CCAR1: variants seen among roughly 807,000 people sequenced by gnomAD.
The protein encoded by CCAR1 is cell division cycle and apoptosis regulator 1, also known as cell division cycle and apoptosis regulator protein 1.
CCAR1 carries 78 observed loss-of-function variants against 163.8 expected under a neutral mutation model. The observed-to-expected ratio is 0.48, with a 90% CI of 0.40 to 0.57. The LOEUF (loss-of-function observed/expected upper bound fraction) is 0.57. CCAR1 is among the 20% of genes least tolerant of loss of function. CCAR1 has a pLI of 0.00. For missense variants in CCAR1, 1,019 were observed against 1,365.2 expected, an observed-to-expected ratio of 0.75 and a Z score of 4.00; for synonymous variants, 443 against 460.7, an observed-to-expected ratio of 0.96 and a Z score of 0.49.
chr10:68,777,823 T>G (rs904154836), intron 19 of CCAR1, among the ~76,000 whole-genome samples: 5 of 152,186 alleles, frequency 3.3e-5, no homozygotes, highest in Admixed American at 3.3e-4. Flanking sequence ...TCCCAGCTAC[T>G]CAGGAGTCTG....
At chr10:68,746,965 A>G (rs1005250939) in intron 6 of CCAR1, among the ~76,000 whole-genome samples, 196 bp from the exon 7 acceptor site, 1 of 152,026 alleles carries the variant, frequency 6.6e-6, no homozygotes, top group Non-Finnish European at 1.5e-5. Context: ...ATATGTATAC[A>G]TGTGCTATGC....
At chr10:68,775,002 A>G (rs2056646967) in intron 19 of CCAR1, 1 of 373,302 alleles carries the variant, frequency 2.7e-6, no homozygotes, top group South Asian at 2.0e-5. Flanking sequence ...GTTTGCCTCT[A>G]CATTTTCTTC....
intron 21 of CCAR1, 66 bp downstream of exon 21, chr10:68,786,758 TA>T: frequency 3.0e-6 from 4 of 1,350,148 alleles, no homozygotes; most frequent in Non-Finnish European, 4.1e-6. Flanking sequence ...AGTGAAAAGT[TA>T]ATAGAACCTC....
Position 68,754,027 on chromosome 10 carries a change from A to T in CCAR1, c.1294A>T (p.Asn432Tyr). ...CAGAGAAGTAGAGTCCTTAGAAAAA[A>T]ATATGGCCATTCTTGATCCACCAGA... is the stretch of plus-strand genomic sequence containing the variant. ...MHREVESLEK[N>Y]MAILDPPDAD... is the part of the protein sequence containing the mutation. Residue 432 changes from asparagine to tyrosine, a missense_variant, in exon 11 of 25, where the codon AAT (asparagine) becomes TAT (tyrosine). Physicochemically the swap from Asn to Tyr is moderately radical, Grantham distance 143. Transcript: ENST00000265872. 6.2e-7 allele frequency: 1 copy of T among 1,614,042 alleles called. No homozygotes were observed. Among genetic ancestry groups the T allele is most frequent in the Non-Finnish European group, 8.5e-7 (1 of 1,179,944 alleles).
chr10:68,791,514 TTG>T lies in CCAR1; in HGVS notation c.*250_*251del, dbSNP rs2056851601. 1 of 252,330 alleles carries T rather than the reference TTG, an allele frequency of 4.0e-6. No homozygotes were observed. Among genetic ancestry groups the T allele is most frequent in the African/African-American group, 2.2e-5 (1 of 44,620 alleles). The allele number at this position is 252,330 out of a possible 1,614,324, so 15.6% of individuals were successfully genotyped here. ...ATTGCAAAGTGTTTTAGGATGAACTTTGTTATAGTTTTAACTCCAATAAAGTT... is the reference window on the plus strand; with the variant it reads ...ATTGCAAAGTGTTTTAGGATGAACTTTTATAGTTTTAACTCCAATAAAGTT... On this transcript the variant is annotated 3_prime_UTR_variant, in exon 25 of 25. Transcript: ENST00000265872.
At chr10:68,730,425 C>T (rs1392545812) in intron 2 of CCAR1, among the ~76,000 whole-genome samples, 8 of 151,728 alleles carry the variant, frequency 5.3e-5, no homozygotes, top group Admixed American at 3.3e-4. Context: ...GTAACCTCCA[C>T]CTCTTGGGTT....
chr10:68,769,769 G>A (rs765951204), intron 17 of CCAR1, among the ~76,000 whole-genome samples: 3 of 148,138 alleles, frequency 2.0e-5, no homozygotes, highest in African/African-American at 5.0e-5. Context: ...GTGAAACCTC[G>A]TCTCTACTAA....
rs1038619628 is a variant in CCAR1, at chr10:68,749,043, C to G, written c.827-93C>G. On this transcript the variant is annotated intron_variant, in intron 8 of 24. Coordinates refer to ENST00000265872, the MANE Select transcript of CCAR1 (RefSeq NM_018237.4). ...TTGAAAAAACAATTTTAGTCACTCT[C>G]AGTTATTTAACTTTGTTCCTCTAAT... The G allele has an allele frequency of 2.8e-6, 4 of 1,442,940 alleles. No homozygotes were observed. In the African/African-American group the frequency reaches 5.7e-5, roughly 21 times the overall value. 89.4% of individuals were successfully genotyped at this position (1,442,940 alleles called of 1,614,324 possible).
intron 4 of CCAR1, among the ~76,000 whole-genome samples, chr10:68,740,020 G>T (rs772263313): frequency 8.5e-5 from 13 of 152,146 alleles, no homozygotes; most frequent in Non-Finnish European, 1.6e-4. Context: ...GGTCCTTCAT[G>T]GTCTCTGTGC....
In CCAR1 at chr10:68,756,460, C is replaced by T. The variant is rs1389696616; in HGVS notation, c.1813C>T (p.Arg605Cys). 11 of 1,611,698 alleles carry T rather than the reference C, an allele frequency of 6.8e-6. No homozygotes were observed. The highest frequency in any genetic ancestry group is 7.6e-6 in the Non-Finnish European group (9 of 1,178,832). Residue 605 changes from arginine (R) to cysteine (C), a missense_variant, in exon 14 of 25, where the codon CGC becomes TGC. Arg to Cys is a radical substitution (Grantham distance 180, BLOSUM62 -3). This residue lies in a region of CCAR1 where 644 missense variants were observed against 904.4 expected (regional missense o/e 0.71). Coordinates refer to ENST00000265872, the MANE Select transcript of CCAR1 (RefSeq NM_018237.4). The surrounding 1 kb of genome is among the most constrained non-coding windows in gnomAD (Gnocchi z 5.1). ...QQLVEKLQGE[R>C]KEADGEQDEE... ...GCTGGTCGAGAAGCTTCAGGGTGAA[C>T]GCAAGGAGGCTGATGGAGAACAGGC...
chr10:68,777,735 C>T (rs971933007), intron 19 of CCAR1, among the ~76,000 whole-genome samples: 29 of 150,428 alleles, frequency 1.9e-4, no homozygotes, highest in African/African-American at 7.1e-4. Flanking sequence ...AGTTCAAGAC[C>T]AGCCTGAGCA....
intron 19 of CCAR1, among the ~76,000 whole-genome samples, chr10:68,782,824 T>A (rs1452556558): frequency 1.3e-5 from 2 of 152,154 alleles, no homozygotes; most frequent in African/African-American, 4.8e-5. Context: ...TACTAAATAT[T>A]TTAAGCCCGC....
At chr10:68,730,426 C>T (rs2056020933) in intron 2 of CCAR1, among the ~76,000 whole-genome samples, 1 of 151,734 alleles carries the variant, frequency 6.6e-6, no homozygotes, top group Non-Finnish European at 1.5e-5. Flanking sequence ...TAACCTCCAC[C>T]TCTTGGGTTC....
At position 68,788,028 on chromosome 10, in the gene CCAR1, A is replaced by C; in HGVS notation, c.2982A>C (p.Ser994=). ...KDEENHEESE[S]LQEDMLGNRL... ...AAGAGAACCATGAAGAGTCTGAGTC[A>C]TTGCAGGAAGATATGCTAGGTCTGA... The change falls in exon 22 of 25, where the codon TCA becomes TCC. Residue 994 remains serine (S), a synonymous_variant. Coordinates refer to ENST00000265872, the MANE Select transcript of CCAR1 (RefSeq NM_018237.4). The C allele has an allele frequency of 6.2e-7, 1 of 1,606,504 alleles. No homozygotes were observed. Among genetic ancestry groups the C allele is most frequent in the Non-Finnish European group, 8.5e-7 (1 of 1,177,800 alleles).
intron 4 of CCAR1, among the ~76,000 whole-genome samples, chr10:68,738,887 A>G (rs1441522071): frequency 6.6e-6 from 1 of 152,200 alleles, no homozygotes; most frequent in Non-Finnish European, 1.5e-5. Context: ...TCTCTACTAA[A>G]AATAGAAAAA....
intron 19 of CCAR1, among the ~76,000 whole-genome samples, chr10:68,784,268 T>A (rs539323868): frequency 1.3e-5 from 2 of 152,132 alleles, no homozygotes; most frequent in Admixed American, 1.3e-4. Context: ...CAGGATGGAG[T>A]GCAGTGCCGT....
chr10:68,745,150 C>T (rs1450327895), intron 6 of CCAR1, among the ~76,000 whole-genome samples: 5 of 151,768 alleles, frequency 3.3e-5, no homozygotes, highest in East Asian at 2.0e-4. Flanking sequence ...GGATTACAGG[C>T]GCCTGCCACC....
At chr10:68,741,077 C>T (rs1396128598) in intron 5 of CCAR1, among the ~76,000 whole-genome samples, 1 of 151,730 alleles carries the variant, frequency 6.6e-6, no homozygotes, top group East Asian at 1.9e-4. Flanking sequence ...CCACGCCTGG[C>T]TGATTTTTGT....
intron 2 of CCAR1, among the ~76,000 whole-genome samples, chr10:68,724,094 G>A (rs2055904254): frequency 6.6e-6 from 1 of 151,190 alleles, no homozygotes; most frequent in Admixed American, 6.6e-5. Flanking sequence ...GGAGGCAGAG[G>A]TTACAGTGAG....
Sources: allele counts gnomAD v4.1 joint callset (sites outside exome capture counted in the v4.1 genomes callset), GRCh38; gene constraint gnomAD v4.1.1; regional missense constraint gnomAD v4.1.1; non-coding constraint Gnocchi (gnomAD v3.1); transcripts MANE v1.5; gene names NCBI Gene and HGNC (gene_info 2026-07-23, HGNC 2026-07-21).